Variants in GDF1 observed in about 807,000 individuals in gnomAD.
The protein encoded by GDF1 is growth differentiation factor 1, also known as embryonic growth/differentiation factor 1.
A neutral mutation model predicts 7.4 loss-of-function variants in GDF1; 8 were observed. That is an observed-to-expected ratio of 1.09 (90% CI 0.64 to 1.96). GDF1 has a LOEUF of 1.96. Ranked by LOEUF, GDF1 falls within the 30% of genes most tolerant of loss-of-function variation. The pLI, the probability that GDF1 is intolerant of heterozygous loss-of-function variation, is 0.00. For missense variants in GDF1, 574 were observed against 551.5 expected (o/e 1.04, Z -0.41); for synonymous variants, 311 against 276.7 (o/e 1.12, Z -1.23).
chr19:18,876,765 A>G (rs1388345655), intron 6 of GDF1, among the ~76,000 whole-genome samples: 2 of 152,164 alleles, frequency 1.3e-5, no homozygotes, highest in African/African-American at 2.4e-5. Flanking sequence ...ACCTCCATCC[A>G]GCTCCCCTGA....
intron 6 of GDF1, chr19:18,877,898 C>G (rs940334679): frequency 4.3e-6 from 4 of 925,572 alleles, no homozygotes; most frequent in Non-Finnish European, 5.2e-6. Context: ...AATACCAGCT[C>G]GAGCCAAAAG....
rs1234805727 is a variant in GDF1, at chr19:18,868,570, T to G, written c.*27A>C. 11 of 1,510,340 alleles carry G rather than the reference T, an allele frequency of 7.3e-6. No individual in the cohort carries two copies. The highest frequency in any genetic ancestry group is 9.9e-6 in the Non-Finnish European group (11 of 1,111,412). The allele number at this position is 1,510,340 out of a possible 1,614,324, so 93.6% of individuals were successfully genotyped here. ...GAGCAGACCACGCGGCATTTATTGT[T>G]GGGCCCGCGTCCCTGCCCGCCCCGG... is the stretch of plus-strand genomic sequence containing the variant. On this transcript the variant is annotated 3_prime_UTR_variant, in exon 8 of 8. Transcript: ENST00000247005.
rs2055908512 is a variant in GDF1, at chr19:18,869,031, G to C, written c.685C>G (p.Arg229Gly). 1 of 1,076,564 alleles carries C rather than the reference G, an allele frequency of 9.3e-7. No individual in the cohort carries two copies. Among genetic ancestry groups the C allele is most frequent in the East Asian group, 6.3e-5 (1 of 15,962 alleles). The allele number at this position is 1,076,564 out of a possible 1,614,324, so 66.7% of individuals were successfully genotyped here. Residue 229 changes from arginine to glycine, a missense_variant, in exon 8 of 8, where the codon CGC becomes GGC. Transcript: ENST00000247005. Reference protein sequence around the residue: ...LRPRAPAACARLAEASLLLVT... With the variant: ...LRPRAPAACAGLAEASLLLVT... ...AGCAGCAGCGAGGCCTCGGCCAGGC[G>C]CGCGCAGGCGGCAGGGGCCCGGGGG...
chr19:18,884,003 C>G, intron 3 of GDF1, 84 bp downstream of exon 3: 1 of 1,434,278 alleles, frequency 7.0e-7, no homozygotes. Context: ...CCTCCACGGC[C>G]TCCTCTGTGC....
intron 3 of GDF1, among the ~76,000 whole-genome samples, chr19:18,882,278 C>T (rs2056230207): frequency 6.6e-6 from 1 of 152,148 alleles, no homozygotes; most frequent in Non-Finnish European, 1.5e-5. Context: ...CACTTGTGGC[C>T]ACTGAGCCCT....
At position 18,870,051 on chromosome 19, in the gene GDF1, G is replaced by A. The variant is rs768953358; in HGVS notation, c.257C>T (p.Thr86Ile). ...CTCCTCCACGTGGCACGGTTGCAGG[G>A]TGACCCCTGGGGACGTCCGCCGCGA... is the stretch of plus-strand genomic sequence containing the variant. ...SGSRRTSPGV[T>I]LQPCHVEELG... The change falls in exon 7 of 8, where the codon ACC becomes ATC. Residue 86 changes from threonine (T) to isoleucine (I), a missense_variant. Transcript: ENST00000247005. The surrounding 1 kb of genome is among the most constrained non-coding windows in gnomAD (Gnocchi z 5.1). The A allele has an allele frequency of 4.5e-5, 71 of 1,592,478 alleles. No individual in the cohort carries two copies. Among genetic ancestry groups the A allele is most frequent in the Non-Finnish European group, 5.7e-5 (67 of 1,173,504 alleles).
In GDF1 at chr19:18,870,846, G is replaced by T. The variant is rs904237793; in HGVS notation, c.-312-227C>A. Among the ~76,000 whole-genome samples the T allele has an allele frequency of 2.0e-5, 3 of 151,808 alleles. No homozygotes were observed. Among genetic ancestry groups the T allele is most frequent in the Non-Finnish European group, 4.4e-5 (3 of 67,950 alleles). On this transcript the variant is annotated intron_variant, in intron 6 of 7. Transcript: ENST00000247005. This position sits in a 1 kb window ranked among gnomAD's most constrained non-coding sequence, Gnocchi z 5.1. ...CACGTATGTCCCCCCTGGCACCCTG[G>T]CACTTCCTCCTTGCTTCCCCCTCTC...
In GDF1 at chr19:18,879,309, T is replaced by C; in HGVS notation, c.-491A>G. 6.2e-7 allele frequency: 1 copy of C among 1,612,468 alleles called. No homozygotes were observed. The highest frequency in any genetic ancestry group is 8.5e-7 in the Non-Finnish European group (1 of 1,179,292). On this transcript the variant is annotated 5_prime_UTR_variant, in exon 5 of 8. Transcript: ENST00000247005. ...GCATTGAAGAAGAAGTAGAAGGGGA[T>C]GTCAGGCACCGTGCGCAGACTGCAG...
Position 18,879,268 on chromosome 19 carries a change from G to A in GDF1, c.-450C>T, listed in dbSNP as rs750237588. 33 of 1,613,662 alleles carry A rather than the reference G, an allele frequency of 2.0e-5. No individual in the cohort carries two copies. The South Asian group carries it at 3.5e-4, about 17-fold the overall frequency. ...GGAACCAGTAGAGGTTCATAAGGGT[G>A]AGCAGCAGCAGGAGCGCATTGAAGA... On this transcript the variant is annotated 5_prime_UTR_variant, in exon 5 of 8. Transcript: ENST00000247005.
Position 18,878,796 on chromosome 19 carries a change from T to G in GDF1, c.-313+134A>C. On this transcript the variant is annotated intron_variant, in intron 6 of 7. Coordinates refer to ENST00000247005, the MANE Select transcript of GDF1 (RefSeq NM_001492.6). The surrounding 1 kb of genome is among the most constrained non-coding windows in gnomAD (Gnocchi z 4.6). ...GTCCACGCCTTTATTGCAGTCTCTG[T>G]TTTGGAGTAGGCTTGGGGGGCAGCA... 1.4e-6 allele frequency: 2 copies of G among 1,469,888 alleles called. No homozygotes were observed. The highest frequency in any genetic ancestry group is 9.0e-7 in the Non-Finnish European group (1 of 1,110,058). The allele number at this position is 1,469,888 out of a possible 1,614,324, so 91.1% of individuals were successfully genotyped here. A position where few individuals can be genotyped will look rare whatever the true frequency, so the allele number is the denominator to read the frequency against.
Position 18,878,757 on chromosome 19 carries a change from G to T in GDF1, c.-313+173C>A. 1.4e-6 allele frequency: 2 copies of T among 1,436,208 alleles called. No individual in the cohort carries two copies. The highest frequency in any genetic ancestry group is 1.8e-6 in the Non-Finnish European group (2 of 1,094,090). The allele number at this position is 1,436,208 out of a possible 1,614,324, so 89.0% of individuals were successfully genotyped here. ...CTTCCTCACTGTCCTGTCCTTCAGG[G>T]TACTGGCCACATCGTCCACGCCTTT... On this transcript the variant is annotated intron_variant, in intron 6 of 7. Transcript: ENST00000247005. This position sits in a 1 kb window ranked among gnomAD's most constrained non-coding sequence, Gnocchi z 4.6.
intron 2 of GDF1, among the ~76,000 whole-genome samples, chr19:18,891,366 C>T (rs999366586): frequency 2.6e-5 from 4 of 152,270 alleles, no homozygotes; most frequent in Non-Finnish European, 5.9e-5. Context: ...TGGTGGTCCT[C>T]GCAGGGCAGA....
rs1568289326 is a variant in GDF1 at position 18,868,665 on chromosome 19, CAAA to C, written c.1048_1050del (p.Phe350del). On this transcript the variant is annotated inframe_deletion, in exon 8 of 8. Transcript: ENST00000247005. ...CGCAGCACCACGTTGTCGCTGTTGT[CAAA>C]GAAGAGCACGGAGATGGGCGACAGG... The C allele has an allele frequency of 1.9e-6, 3 of 1,574,714 alleles. No homozygotes were observed. Among genetic ancestry groups the C allele is most frequent in the Non-Finnish European group, 1.7e-6 (2 of 1,160,144 alleles).
At chr19:18,881,641 G>C (rs2056213052) in intron 3 of GDF1, 1 of 152,248 alleles carries the variant, frequency 6.6e-6, no homozygotes. Context: ...CTCTCACCAA[G>C]TCCCTGTTCC....
rs1044309700 is a variant in GDF1 at position 18,895,024 on chromosome 19, T to C, written c.-1074+800A>G. 6.6e-6 allele frequency among the ~76,000 whole-genome samples: 1 copy of C among 152,194 alleles called. No individual in the cohort carries two copies. Among genetic ancestry groups the C allele is most frequent in the South Asian group, 2.1e-4 (1 of 4,832 alleles). On this transcript the variant is annotated intron_variant, in intron 1 of 7. Transcript: ENST00000247005. This position sits in a 1 kb window ranked among gnomAD's most constrained non-coding sequence, Gnocchi z 6.4. ...GGGTCAGGCGCCAATGTCACCATCA[T>C]GGTCACTCTCTCGCAGGGGCGATGG...
chr19:18,878,409 C>T lies in GDF1; in HGVS notation c.-313+521G>A, dbSNP rs2056104870. On this transcript the variant is annotated intron_variant, in intron 6 of 7. Coordinates refer to ENST00000247005, the MANE Select transcript of GDF1 (RefSeq NM_001492.6). This position sits in a 1 kb window ranked among gnomAD's most constrained non-coding sequence, Gnocchi z 4.6. The stretch of plus-strand genomic sequence containing the variant: ...GACTCCCACCTGGGCTGGACTGAGT[C>T]TGAGCTCCCAGCCCCAGCTCCTGTT... The T allele has an allele frequency of 1.0e-6, 1 of 990,492 alleles. No individual in the cohort carries two copies. The highest frequency in any genetic ancestry group is 1.7e-5 in the African/African-American group (1 of 57,226). 61.4% of individuals were successfully genotyped at this position (990,492 alleles called of 1,614,324 possible). A position where few individuals can be genotyped will look rare whatever the true frequency, so the allele number is the denominator to read the frequency against.
chr19:18,874,358 C>T (rs1234233222), intron 6 of GDF1, among the ~76,000 whole-genome samples: 1 of 152,172 alleles, frequency 6.6e-6, no homozygotes, highest in Non-Finnish European at 1.5e-5. Flanking sequence ...AGCTGGGGTG[C>T]AGTGGTGCAG....
intron 2 of GDF1, among the ~76,000 whole-genome samples, chr19:18,887,104 G>A (rs894005579): frequency 8.5e-5 from 13 of 152,252 alleles, no homozygotes; most frequent in Non-Finnish European, 1.3e-4. Context: ...GACACAACCC[G>A]AATGTGCATC....
chr19:18,870,048 A>C lies in GDF1; in HGVS notation c.260T>G (p.Leu87Arg). ...CAGCTCCTCCACGTGGCACGGTTGC[A>C]GGGTGACCCCTGGGGACGTCCGCCG... ...GSRRTSPGVT[L>R]QPCHVEELGV... The change falls in exon 7 of 8, where the codon CTG (leucine) becomes CGG (arginine). Residue 87 changes from leucine to arginine, a missense_variant. Leu to Arg is a moderately radical substitution (Grantham distance 102). Coordinates refer to ENST00000247005, the MANE Select transcript of GDF1 (RefSeq NM_001492.6). This position sits in a 1 kb window ranked among gnomAD's most constrained non-coding sequence, Gnocchi z 5.1. 6.3e-7 allele frequency: 1 copy of C among 1,593,894 alleles called. No homozygotes were observed. The highest frequency in any genetic ancestry group is 1.1e-5 in the South Asian group (1 of 88,568).
Sources: gnomAD v4.1 joint callset for allele counts (sites outside exome capture counted in the v4.1 genomes callset) on GRCh38, gnomAD v4.1.1 for gene constraint, Gnocchi (gnomAD v3.1) non-coding constraint, MANE v1.5 for transcripts, NCBI Gene and HGNC (gene_info 2026-07-23, HGNC 2026-07-21) for gene names.